SCOC: variants seen among roughly 807,000 people sequenced by gnomAD.
SCOC encodes short coiled coil protein.
A neutral mutation model predicts 9.9 loss-of-function variants in SCOC; 7 were observed. The ratio of observed to expected loss-of-function variants is 0.71; its 90% CI spans 0.40 to 1.33. SCOC has a LOEUF of 1.33. SCOC is among the 40% of genes most tolerant of loss of function. The pLI, the probability that SCOC is intolerant of heterozygous loss-of-function variation, is 0.01. For missense variants in SCOC, 66 were observed against 89.7 expected (o/e 0.74, Z 1.07); for synonymous variants, 19 against 28.2 (o/e 0.67, Z 1.03).
In SCOC at chr4:140,300,341, C is replaced by A. The variant is rs544454727; in HGVS notation, c.-19+42931C>A. On this transcript the variant is annotated intron_variant, in intron 1 of 4. Coordinates refer to the SCOC transcript ENST00000394205. The stretch of plus-strand genomic sequence containing the variant: ...GTCTGCCCTGCTCAGGAGGATGGAT[C>A]AGCAAGGCTAGAGCCTGCATCTGCA... 3.3e-5 allele frequency among the ~76,000 whole-genome samples: 5 copies of A among 152,330 alleles called. No homozygotes were observed. In the East Asian group the frequency reaches 9.6e-4, roughly 29 times the overall value.
At chr4:140,265,373 G>T (rs747014667) in intron 1 of SCOC, among the ~76,000 whole-genome samples, 1 of 152,090 alleles carries the variant, frequency 6.6e-6, no homozygotes, top group Admixed American at 6.5e-5. Context: ...AGAGCATTTC[G>T]GTATATTGCA....
chr4:140,333,470 ACT>A (rs1732876283), intron 1 of SCOC, among the ~76,000 whole-genome samples: 1 of 151,884 alleles, frequency 6.6e-6, no homozygotes, highest in African/African-American at 2.4e-5. Context: ...AAAAATGTAA[ACT>A]CTGTGATTAG....
intron 2 of SCOC, among the ~76,000 whole-genome samples, chr4:140,354,745 A>T (rs1727138173): frequency 6.6e-6 from 1 of 151,994 alleles, no homozygotes; most frequent in African/African-American, 2.4e-5. Context: ...TGAGGGAGGA[A>T]GATTAATGCA....
chr4:140,355,575 C>T (rs1398215773), intron 2 of SCOC, among the ~76,000 whole-genome samples: 1 of 152,098 alleles, frequency 6.6e-6, no homozygotes, highest in Non-Finnish European at 1.5e-5. Context: ...CTGCATTGTA[C>T]TGACTAGGTA....
In SCOC at chr4:140,268,700, C is replaced by T. The variant is rs114181228; in HGVS notation, c.-19+11290C>T. 4.1e-3 allele frequency among the ~76,000 whole-genome samples: 626 copies of T among 152,258 alleles called. 1 individual carries two copies. The highest frequency in any genetic ancestry group is 6.7e-3 in the Non-Finnish European group (457 of 68,020). ...ACAGCCCTGGAGACATGAGAGAAGGCGTCATTCAGACTGCTGGTGCTTCCC... is the reference window on the plus strand; with the variant it reads ...ACAGCCCTGGAGACATGAGAGAAGGTGTCATTCAGACTGCTGGTGCTTCCC... On this transcript the variant is annotated intron_variant, in intron 1 of 4. Coordinates refer to the SCOC transcript ENST00000394205.
intron 2 of SCOC, among the ~76,000 whole-genome samples, chr4:140,347,976 G>C (rs1268266285): frequency 2.6e-5 from 4 of 152,074 alleles, no homozygotes; most frequent in Non-Finnish European, 4.4e-5. Flanking sequence ...TCTTGGACTA[G>C]ATTTCATTTT....
chr4:140,270,754 G>A (rs545987411), intron 1 of SCOC, among the ~76,000 whole-genome samples: 20 of 152,260 alleles, frequency 1.3e-4, no homozygotes, highest in Admixed American at 8.5e-4. Context: ...AGATCAGTTG[G>A]TTACTATCTC....
At chr4:140,374,187 T>A in intron 1 of SCOC, 1 of 457,434 alleles carries the variant, frequency 2.2e-6, no homozygotes, top group Non-Finnish European at 4.4e-6. Flanking sequence ...AAATAAGGAT[T>A]GGACCATTTT....
At chr4:140,297,228 G>A (rs1731667536) in intron 1 of SCOC, among the ~76,000 whole-genome samples, 2 of 148,612 alleles carry the variant, frequency 1.3e-5, no homozygotes, top group South Asian at 4.6e-4. Context: ...TTGGAGAGGC[G>A]CGGAGGGAAA....
At chr4:140,273,185 A>G (rs1017825941) in intron 1 of SCOC, among the ~76,000 whole-genome samples, 23 of 152,202 alleles carry the variant, frequency 1.5e-4, no homozygotes, top group Admixed American at 1.3e-3. Context: ...ATAGAATACA[A>G]AGGGAAAAGA....
At chr4:140,339,799 C>T (rs187146973), upstream of SCOC, among the ~76,000 whole-genome samples, 1,299 of 152,292 alleles carry the variant, frequency 8.5e-3, 5 homozygotes, top group Non-Finnish European at 0.014. Flanking sequence ...AGTCAGGGAA[C>T]GACAGGTGCT....
intron 1 of SCOC, chr4:140,314,077 G>A (rs1732238447): frequency 6.7e-6 from 1 of 150,336 alleles, no homozygotes; most frequent in Non-Finnish European, 1.5e-5. Context: ...CTGCGCCACT[G>A]TACTCCAGCC....
intron 1 of SCOC, among the ~76,000 whole-genome samples, chr4:140,295,506 C>T (rs1366102292): frequency 6.6e-6 from 1 of 152,102 alleles, no homozygotes; most frequent in African/African-American, 2.4e-5. Context: ...AGAATAAATC[C>T]AGGCAGGATA....
At chr4:140,262,173 T>C (rs757950373) in intron 1 of SCOC, among the ~76,000 whole-genome samples, 7 of 152,194 alleles carry the variant, frequency 4.6e-5, no homozygotes, top group Non-Finnish European at 8.8e-5. Context: ...GGGTCTCTAT[T>C]AGACCTATGA....
At chr4:140,325,221 CAT>C (rs1380689288) in intron 1 of SCOC, among the ~76,000 whole-genome samples, 5 of 151,850 alleles carry the variant, frequency 3.3e-5, no homozygotes, top group African/African-American at 1.2e-4. Flanking sequence ...TAAAAGAAAA[CAT>C]AGAAAATTTG....
At chr4:140,326,650 C>A (rs1450839689) in intron 1 of SCOC, among the ~76,000 whole-genome samples, 13 of 151,208 alleles carry the variant, frequency 8.6e-5, no homozygotes, top group Admixed American at 3.3e-4. Flanking sequence ...CAGACCCCCC[C>A]CCCTACACTG....
chr4:140,338,952 T>C (rs1285503962), upstream of SCOC, among the ~76,000 whole-genome samples: 1 of 152,198 alleles, frequency 6.6e-6, no homozygotes. Context: ...AAAACTACTT[T>C]AAAGTTCATA....
Position 140,268,615 on chromosome 4 carries a change from A to G in SCOC, c.-19+11205A>G, listed in dbSNP as rs1005080783. On this transcript the variant is annotated intron_variant, in intron 1 of 4. Transcript: ENST00000394205. ...ATAATCTTGGACTGCTGCTGAGGTC[A>G]TCATTTAGTTCCTGCTGACATGTTG... Among the ~76,000 whole-genome samples, 6 of 152,226 alleles carry G rather than the reference A, an allele frequency of 3.9e-5. 1 individual carries two copies. The highest frequency in any genetic ancestry group is 1.2e-4 in the African/African-American group (5 of 41,462).
chr4:140,268,903 G>A (rs1272229152), intron 1 of SCOC, among the ~76,000 whole-genome samples: 1 of 152,148 alleles, frequency 6.6e-6, no homozygotes, highest in Non-Finnish European at 1.5e-5. Flanking sequence ...TATAATGAAC[G>A]TGCAATAGGG....
Sources: gnomAD v4.1 joint callset for allele counts (sites outside exome capture counted in the v4.1 genomes callset) on GRCh38, gnomAD v4.1.1 for gene constraint, MANE v1.5 for transcripts, NCBI Gene and HGNC (gene_info 2026-07-23, HGNC 2026-07-21) for gene names.